ZSWIM6: variants seen among roughly 807,000 people sequenced by gnomAD.
The protein encoded by ZSWIM6 is zinc finger SWIM-type containing 6.
Under a neutral mutation model 113.2 loss-of-function variants are expected in ZSWIM6, and 9 were observed. That is an observed-to-expected ratio of 0.08 (90% CI 0.05 to 0.14). ZSWIM6 has a LOEUF of 0.14. Ranked by LOEUF, ZSWIM6 falls within the 10% of genes least tolerant of loss-of-function variation. ZSWIM6 has a pLI of 1.00. For synonymous variants in ZSWIM6, 611 were observed against 606.5 expected (o/e 1.01, Z -0.11); for missense variants, 1,162 against 1,552.2 (o/e 0.75, Z 4.22).
intron 2 of ZSWIM6, among the ~76,000 whole-genome samples, chr5:61,483,115 T>A (rs1747921978): frequency 6.6e-6 from 1 of 152,174 alleles, no homozygotes; most frequent in Non-Finnish European, 1.5e-5. Flanking sequence ...GACTGAGAAG[T>A]CCAAGGTTGA....
chr5:61,538,812 A>G lies in ZSWIM6; in HGVS notation c.2382-2A>G. ...GCCACCTTCCTTGTCTTCTCATTATAGGTTACTAGTATTGGAATCTACTGC... is the reference window on the plus strand; with the variant it reads ...GCCACCTTCCTTGTCTTCTCATTATGGGTTACTAGTATTGGAATCTACTGC... On this transcript the variant is annotated splice_acceptor_variant, in intron 10 of 13. Transcript: ENST00000252744. LOFTEE classifies it high-confidence loss of function. The G allele has an allele frequency of 6.5e-7, 1 of 1,549,748 alleles. No homozygotes were observed. The highest frequency in any genetic ancestry group is 2.4e-5 in the East Asian group (1 of 40,912).
At chr5:61,383,799 G>A (rs78643129) in intron 1 of ZSWIM6, among the ~76,000 whole-genome samples, 5 of 151,160 alleles carry the variant, frequency 3.3e-5, no homozygotes, top group Admixed American at 2.6e-4. Context: ...CACCTGCCTC[G>A]GCCTCCCAAA....
rs76194713 is a variant in ZSWIM6 at position 61,381,910 on chromosome 5, A to G, written c.676+48962A>G. Among the ~76,000 whole-genome samples, 10 of 152,348 alleles carry G rather than the reference A, an allele frequency of 6.6e-5. No homozygotes were observed. The East Asian group carries it at 1.5e-3, about 23-fold the overall frequency. ...CTTTTCATGTGGAAGTAGAATGCAT[A>G]TATCTTTCTTGATATAACAAATGAA... On this transcript the variant is annotated intron_variant, in intron 1 of 13. Transcript: ENST00000252744.
At chr5:61,518,285 G>A (rs1389937153) in intron 4 of ZSWIM6, among the ~76,000 whole-genome samples, 6 of 151,800 alleles carry the variant, frequency 4.0e-5, no homozygotes, top group African/African-American at 1.5e-4. Flanking sequence ...ATGATTTATA[G>A]TCCTTTGGGT....
intron 1 of ZSWIM6, chr5:61,391,437 C>A: frequency 2.5e-6 from 3 of 1,185,432 alleles, no homozygotes; most frequent in Non-Finnish European, 3.8e-6. Context: ...CCTTCTCCAG[C>A]TGCTTCTTGC....
At chr5:61,383,847 AG>A in intron 1 of ZSWIM6, among the ~76,000 whole-genome samples, 1 of 151,424 alleles carries the variant, frequency 6.6e-6, no homozygotes, top group South Asian at 2.1e-4. Flanking sequence ...ACACCTGGCC[AG>A]AACTTTTTCT....
intron 4 of ZSWIM6, among the ~76,000 whole-genome samples, chr5:61,495,248 A>G (rs2112221189): frequency 6.6e-6 from 1 of 152,206 alleles, no homozygotes; most frequent in Middle Eastern, 3.4e-3. Flanking sequence ...TGTAGTCTAA[A>G]CCAAACGATG....
chr5:61,415,661 G>T (rs1746233201), intron 1 of ZSWIM6, among the ~76,000 whole-genome samples: 1 of 151,922 alleles, frequency 6.6e-6, no homozygotes, highest in Non-Finnish European at 1.5e-5. Flanking sequence ...ATATGACATG[G>T]GGACTGATTG....
intron 3 of ZSWIM6, among the ~76,000 whole-genome samples, chr5:61,491,955 A>G (rs1301521973): frequency 6.6e-6 from 1 of 152,040 alleles, no homozygotes; most frequent in Non-Finnish European, 1.5e-5. Flanking sequence ...CCAGAATTAG[A>G]TTACAATAAA....
intron 1 of ZSWIM6, among the ~76,000 whole-genome samples, chr5:61,465,562 A>G (rs1305232954): frequency 6.6e-6 from 1 of 152,284 alleles, no homozygotes; most frequent in East Asian, 1.9e-4. Context: ...CTCATATCTA[A>G]CACAGGTATT....
At chr5:61,481,850 CT>C (rs1380222790) in intron 2 of ZSWIM6, among the ~76,000 whole-genome samples, 1 of 152,106 alleles carries the variant, frequency 6.6e-6, no homozygotes, top group African/African-American at 2.4e-5. Context: ...GATAATTTGA[CT>C]TTCCCTGAAG....
At chr5:61,455,339 A>G (rs1747182345) in intron 1 of ZSWIM6, among the ~76,000 whole-genome samples, 1 of 152,176 alleles carries the variant, frequency 6.6e-6, no homozygotes, top group Non-Finnish European at 1.5e-5. Context: ...GCAATTGAGA[A>G]CAATGAAACA....
At chr5:61,341,060 G>C (rs1744535005) in intron 1 of ZSWIM6, among the ~76,000 whole-genome samples, 1 of 152,244 alleles carries the variant, frequency 6.6e-6, no homozygotes, top group Non-Finnish European at 1.5e-5. Flanking sequence ...AAAAAAGTCA[G>C]TTCTGGCCAG....
chr5:61,484,918 C>G (rs1747974710), intron 2 of ZSWIM6, among the ~76,000 whole-genome samples: 2 of 152,096 alleles, frequency 1.3e-5, no homozygotes, highest in African/African-American at 2.4e-5. Context: ...CAACTTGGAA[C>G]CTATTTCTCC....
intron 1 of ZSWIM6, among the ~76,000 whole-genome samples, chr5:61,451,657 G>A (rs13164700): frequency 0.14 from 20,615 of 152,158 alleles, 1,524 homozygotes; most frequent in Middle Eastern, 0.18. Context: ...CTTTTAAATG[G>A]AGAAGGCAGA....
chr5:61,352,545 A>C (rs1485773366), intron 1 of ZSWIM6, among the ~76,000 whole-genome samples: 1 of 152,234 alleles, frequency 6.6e-6, no homozygotes, highest in Non-Finnish European at 1.5e-5. Context: ...CACCCATCAC[A>C]CAAAGAATAT....
At chr5:61,357,752 G>GA (rs1251472026) in intron 1 of ZSWIM6, among the ~76,000 whole-genome samples, 1 of 151,756 alleles carries the variant, frequency 6.6e-6, no homozygotes, top group Non-Finnish European at 1.5e-5. Flanking sequence ...CTTCTTAATG[G>GA]AATAATCATA....
At chr5:61,394,395 C>T (rs1287613864) in intron 1 of ZSWIM6, among the ~76,000 whole-genome samples, 6 of 152,244 alleles carry the variant, frequency 3.9e-5, no homozygotes, top group Non-Finnish European at 7.3e-5. Context: ...TGCTTGCACC[C>T]TGGCACCCCC....
At chr5:61,523,153 A>C (rs149465223) in intron 5 of ZSWIM6, among the ~76,000 whole-genome samples, 1 of 152,242 alleles carries the variant, frequency 6.6e-6, no homozygotes, top group Non-Finnish European at 1.5e-5. Flanking sequence ...ACATGCCTAC[A>C]GAGGAGGTCT....
Sources: gnomAD v4.1 joint callset for allele counts (sites outside exome capture counted in the v4.1 genomes callset) on GRCh38, gnomAD v4.1.1 for gene constraint, MANE v1.5 for transcripts, NCBI Gene and HGNC (gene_info 2026-07-23, HGNC 2026-07-21) for gene names.